Variants in BCKDHB observed in about 807,000 individuals in gnomAD.
The protein encoded by BCKDHB is 2-oxoisovalerate dehydrogenase subunit beta, mitochondrial.
In BCKDHB, 41 loss-of-function variants were observed where a neutral mutation model predicts 48.5. That is an observed-to-expected ratio of 0.85 (90% CI 0.66 to 1.10). The LOEUF is 1.10. Among genes scored for constraint, BCKDHB ranks in the 50% least tolerant of loss-of-function variants. The pLI, the probability that BCKDHB is intolerant of heterozygous loss-of-function variation, is 0.00. For missense variants in BCKDHB, 496 were observed against 494.2 expected (o/e 1.00, Z -0.03); for synonymous variants, 201 against 174.8 (o/e 1.15, Z -1.18).
the BCKDHB span, among the ~76,000 whole-genome samples, chr6:80,380,920 A>G: frequency 1.8e-4 from 27 of 151,758 alleles, no homozygotes; most frequent in Non-Finnish European, 2.9e-4. Flanking sequence ...GAAGACATTT[A>G]TTAGTTCTAA....
the BCKDHB span, among the ~76,000 whole-genome samples, chr6:80,393,028 C>G: frequency 6.6e-6 from 1 of 151,942 alleles, no homozygotes; most frequent in Non-Finnish European, 1.5e-5. Context: ...CATGTCTCCC[C>G]CAATACCCTG....
chr6:80,372,653 C>CA, the BCKDHB span, among the ~76,000 whole-genome samples: 3 of 152,118 alleles, frequency 2.0e-5, no homozygotes, highest in Middle Eastern at 3.4e-3. Context: ...GGGTTTTAAT[C>CA]ATAAAGGGAT....
chr6:80,415,892 A>T, the BCKDHB span, among the ~76,000 whole-genome samples: 1 of 151,554 alleles, frequency 6.6e-6, no homozygotes, highest in Non-Finnish European at 1.5e-5. Context: ...CTGTGAATCT[A>T]TGTGGTCCTG....
the BCKDHB span, among the ~76,000 whole-genome samples, chr6:80,393,784 T>C: frequency 2.0e-3 from 303 of 152,342 alleles, no homozygotes; most frequent in African/African-American, 6.9e-3. Context: ...TGAGATTTCA[T>C]TTATTTCCTA....
intron 3 of BCKDHB, among the ~76,000 whole-genome samples, chr6:80,142,301 A>G (rs1428816011): frequency 6.6e-6 from 1 of 152,146 alleles, no homozygotes; most frequent in Non-Finnish European, 1.5e-5. Flanking sequence ...AATGTTATCC[A>G]CTAAAAAGAT....
chr6:80,208,347 T>C (rs1774765355), intron 8 of BCKDHB, among the ~76,000 whole-genome samples: 1 of 151,760 alleles, frequency 6.6e-6, no homozygotes, highest in African/African-American at 2.4e-5. Flanking sequence ...GAGGAAACTT[T>C]ATAGCTGTAA....
At chr6:80,392,633 T>C in the BCKDHB span, among the ~76,000 whole-genome samples, 1 of 151,886 alleles carries the variant, frequency 6.6e-6, no homozygotes, top group Non-Finnish European at 1.5e-5. Context: ...TTGCCTTTTA[T>C]AAATTGATTT....
chr6:80,153,083 C>A (rs1298554720), intron 3 of BCKDHB, among the ~76,000 whole-genome samples: 3 of 152,166 alleles, frequency 2.0e-5, no homozygotes, highest in Non-Finnish European at 4.4e-5. Context: ...TAACATTGTT[C>A]TTTAATCCAG....
intron 1 of BCKDHB, among the ~76,000 whole-genome samples, chr6:80,115,917 T>TGTG (rs147205653): frequency 1.3e-5 from 2 of 151,604 alleles, no homozygotes; most frequent in African/African-American, 4.9e-5. Flanking sequence ...TTCTAAGGAA[T>TGTG]ATGAGGATGT....
At chr6:80,122,525 T>A (rs924389850) in intron 1 of BCKDHB, among the ~76,000 whole-genome samples, 1 of 152,242 alleles carries the variant, frequency 6.6e-6, no homozygotes, top group African/African-American at 2.4e-5. Flanking sequence ...TGAGGAATTT[T>A]ACAGCTGGGC....
rs115329908 is a variant in BCKDHB at position 80,247,018 on chromosome 6, T to G, written c.952-26117T>G. On this transcript the variant is annotated intron_variant, in intron 8 of 9. Transcript: ENST00000320393. Reference sequence around the variant, plus strand: ...TTTCTTTTCTTTGAGCCAGGGAAACTGCTTTAATATTCTCCTTTTGCCATA... The same window carrying G: ...TTTCTTTTCTTTGAGCCAGGGAAACGGCTTTAATATTCTCCTTTTGCCATA... 4.8e-3 allele frequency among the ~76,000 whole-genome samples: 731 copies of G among 152,318 alleles called. 5 individuals are homozygous for G. Among genetic ancestry groups the G allele is most frequent in the African/African-American group, 0.017 (705 of 41,570 alleles).
At chr6:80,347,016 AAC>A (rs1229534443), downstream of BCKDHB, among the ~76,000 whole-genome samples, 1 of 149,854 alleles carries the variant, frequency 6.7e-6, no homozygotes, top group Non-Finnish European at 1.5e-5. Flanking sequence ...AAAAAAAAAG[AAC>A]ACTTTTCTAT....
At chr6:80,137,233 G>A (rs1036082973) in intron 3 of BCKDHB, among the ~76,000 whole-genome samples, 6 of 152,032 alleles carry the variant, frequency 3.9e-5, no homozygotes, top group Non-Finnish European at 7.4e-5. Context: ...TCCAAATAAG[G>A]ATTTTAGACA....
chr6:80,131,788 G>A (rs926711516), intron 3 of BCKDHB, among the ~76,000 whole-genome samples: 3 of 151,718 alleles, frequency 2.0e-5, no homozygotes, highest in Non-Finnish European at 4.4e-5. Context: ...GACTACAGCC[G>A]CATACCACCA....
chr6:80,307,725 G>A, intron 9 of BCKDHB: 1 of 979,270 alleles, frequency 1.0e-6, no homozygotes. Flanking sequence ...ATTGACTTTT[G>A]TTAGACCATA....
At position 80,339,725 on chromosome 6, in the gene BCKDHB, A is replaced by G. The variant is rs190850627; in HGVS notation, c.1039-3939A>G. On this transcript the variant is annotated intron_variant, in intron 9 of 9. Coordinates refer to ENST00000320393, the MANE Select transcript of BCKDHB (RefSeq NM_183050.4). The stretch of plus-strand genomic sequence containing the variant: ...CATATCTTAGCCTACACCTTTCTTT[A>G]TATGTGAAAGAGGCTTCTAAGACTG... Among the ~76,000 whole-genome samples, 57 of 152,216 alleles carry G rather than the reference A, an allele frequency of 3.7e-4. 1 individual carries two copies. In the East Asian group the frequency reaches 7.1e-3, roughly 19 times the overall value.
chr6:80,283,685 T>C (rs1030873815), intron 9 of BCKDHB, among the ~76,000 whole-genome samples: 1 of 152,118 alleles, frequency 6.6e-6, no homozygotes, highest in Non-Finnish European at 1.5e-5. Context: ...GTAGTTTCCA[T>C]TCATTGCATT....
chr6:80,173,802 C>CT (rs66729845), intron 6 of BCKDHB, among the ~76,000 whole-genome samples: 1,403 of 137,306 alleles, frequency 0.01, 13 homozygotes, highest in African/African-American at 0.026. Context: ...TCTACTTTTC[C>CT]TTTTTTTTTT....
chr6:80,453,221 A>G, the BCKDHB span: 7 of 152,282 alleles, frequency 4.6e-5, no homozygotes, highest in Admixed American at 2.0e-4. Context: ...TTTCCGGCCA[A>G]TGAAATGCTC....
Sources: gnomAD v4.1 joint callset for allele counts (sites outside exome capture counted in the v4.1 genomes callset) on GRCh38, gnomAD v4.1.1 for gene constraint, MANE v1.5 for transcripts, NCBI Gene and HGNC (gene_info 2026-07-23, HGNC 2026-07-21) for gene names.